TTC7A: variants seen among roughly 807,000 people sequenced by gnomAD.
TTC7A encodes the protein tetratricopeptide repeat protein 7A.
TTC7A carries 110 observed loss-of-function variants against 103.7 expected under a neutral mutation model. The observed-to-expected ratio is 1.06, with a 90% confidence interval of 0.91 to 1.24. TTC7A has a LOEUF of 1.24. Among genes scored for constraint, TTC7A ranks in the 50% most tolerant of loss-of-function variants. The pLI is 0.00. For synonymous variants in TTC7A, 521 were observed against 467.9 expected (o/e 1.11, Z -1.47); for missense variants, 1,340 against 1,116.3 (o/e 1.20, Z -2.86).
chr2:46,982,954 C>T (rs1369645064), intron 5 of TTC7A, among the ~76,000 whole-genome samples: 2 of 151,556 alleles, frequency 1.3e-5, no homozygotes, highest in African/African-American at 2.4e-5. Flanking sequence ...GCCAACAGAG[C>T]AAGACCCTCT....
intron 5 of TTC7A, among the ~76,000 whole-genome samples, chr2:46,985,380 G>T (rs1558539541): frequency 6.6e-6 from 1 of 152,226 alleles, no homozygotes; most frequent in Non-Finnish European, 1.5e-5. Flanking sequence ...AGGACACGTG[G>T]CAGTTACTCA....
intron 1 of TTC7A, among the ~76,000 whole-genome samples, chr2:46,948,018 C>T (rs1427010054): frequency 6.6e-6 from 1 of 152,198 alleles, no homozygotes; most frequent in Non-Finnish European, 1.5e-5. Context: ...CATGAAAGTA[C>T]CCAACCAAAC....
Position 47,074,138 on chromosome 2 carries a change from AC to A in TTC7A, c.*218del. 1.7e-6 allele frequency: 1 copy of A among 582,114 alleles called. No homozygotes were observed. The allele number at this position is 582,114 out of a possible 1,614,324, so 36.1% of individuals were successfully genotyped here. A position where few individuals can be genotyped will look rare whatever the true frequency, so the allele number is the denominator to read the frequency against. On this transcript the variant is annotated 3_prime_UTR_variant, in exon 20 of 20. Transcript: ENST00000319190. ...TGCCTTGGGAAACAGTCTGACTTGA[AC>A]CCTAAGTGCCTTTGGAGAGTTTTGT...
intron 15 of TTC7A, among the ~76,000 whole-genome samples, chr2:47,041,478 C>G (rs1291725381): frequency 1.3e-5 from 2 of 152,180 alleles, no homozygotes; most frequent in Non-Finnish European, 2.9e-5. Context: ...ATACGCCAGT[C>G]GCGGTGGCTC....
chr2:47,043,649 C>G (rs1558619824), intron 15 of TTC7A, among the ~76,000 whole-genome samples: 1 of 152,194 alleles, frequency 6.6e-6, no homozygotes, highest in East Asian at 1.9e-4. Flanking sequence ...CAGCGCTCAC[C>G]TGCCAGCCCA....
intron 11 of TTC7A, among the ~76,000 whole-genome samples, chr2:47,012,330 G>T (rs990287426): frequency 7.9e-5 from 12 of 152,190 alleles, no homozygotes; most frequent in Non-Finnish European, 1.0e-4. Flanking sequence ...CAGAGCAAGC[G>T]CATTCTCCCT....
intron 3 of TTC7A, among the ~76,000 whole-genome samples, chr2:46,973,499 T>C (rs1229150853): frequency 6.6e-6 from 1 of 152,208 alleles, no homozygotes; most frequent in East Asian, 1.9e-4. Flanking sequence ...TGCCGCAGGT[T>C]GCCGGTTGAG....
chr2:47,028,834 C>T (rs1321790005), intron 14 of TTC7A, among the ~76,000 whole-genome samples: 1 of 152,176 alleles, frequency 6.6e-6, no homozygotes, highest in Non-Finnish European at 1.5e-5. Context: ...GGTCAAGCTG[C>T]ACCCCCTACC....
chr2:46,960,189 A>T (rs1331578445), intron 3 of TTC7A, among the ~76,000 whole-genome samples: 3 of 152,102 alleles, frequency 2.0e-5, no homozygotes, highest in Non-Finnish European at 1.5e-5. Flanking sequence ...CTGGAAGAAG[A>T]ATCACCTCTT....
chr2:47,009,886 G>GTTTT (rs34401578), intron 10 of TTC7A, among the ~76,000 whole-genome samples: 3 of 93,512 alleles, frequency 3.2e-5, no homozygotes, highest in African/African-American at 8.6e-5. Flanking sequence ...GTGTGTGTGT[G>GTTTT]TTTTTTTTTT....
intron 18 of TTC7A, among the ~76,000 whole-genome samples, chr2:47,054,605 G>A (rs902140148): frequency 2.6e-5 from 4 of 152,112 alleles, no homozygotes; most frequent in African/African-American, 9.7e-5. Context: ...GGCCGAGGCA[G>A]GCAGACGACT....
chr2:46,948,615 A>G (rs1671138906), intron 1 of TTC7A, among the ~76,000 whole-genome samples: 1 of 152,160 alleles, frequency 6.6e-6, no homozygotes, highest in Non-Finnish European at 1.5e-5. Context: ...ATTCTTCTTC[A>G]GAGGCATGAA....
intron 2 of TTC7A, among the ~76,000 whole-genome samples, chr2:46,923,010 G>A (rs926629196): frequency 2.0e-5 from 3 of 152,142 alleles, no homozygotes; most frequent in East Asian, 1.9e-4. Flanking sequence ...TAAAGTATAC[G>A]AATAAACAGC....
intron 10 of TTC7A, 107 bp downstream of exon 10, chr2:47,006,831 C>T (rs1677462976): frequency 1.1e-5 from 10 of 918,278 alleles, no homozygotes; most frequent in Admixed American, 3.9e-5. Flanking sequence ...ATTATCCTGC[C>T]GCTGGTTTGA....
At chr2:47,038,652 AC>A (rs528712679) in intron 15 of TTC7A, among the ~76,000 whole-genome samples, 1 of 40,956 alleles carries the variant, frequency 2.4e-5, no homozygotes, top group Non-Finnish European at 4.2e-5. Context: ...CCCCCCACCC[AC>A]CCCCCCGACA....
At chr2:47,017,200 C>CAA (rs70940652) in intron 11 of TTC7A, among the ~76,000 whole-genome samples, 950 of 35,582 alleles carry the variant, frequency 0.027, 36 homozygotes, top group Non-Finnish European at 0.037. Flanking sequence ...CACTCTGTCT[C>CAA]AAAAAAAAAA....
intron 4 of TTC7A, 134 bp downstream of exon 4, chr2:46,975,237 C>T (rs772807263): frequency 6.9e-5 from 83 of 1,194,584 alleles, no homozygotes; most frequent in Non-Finnish European, 9.5e-5. Context: ...AGACACTCTA[C>T]TTCATAGTTG....
At chr2:46,919,156 C>T (rs1421636889) in intron 2 of TTC7A, among the ~76,000 whole-genome samples, 1 of 152,188 alleles carries the variant, frequency 6.6e-6, no homozygotes, top group East Asian at 1.9e-4. Flanking sequence ...TCAATTTACA[C>T]CTTTTAGTAT....
chr2:46,937,319 C>G (rs981583853), upstream of TTC7A, among the ~76,000 whole-genome samples: 5 of 152,112 alleles, frequency 3.3e-5, no homozygotes, highest in African/African-American at 1.2e-4. The surrounding 1 kb of genome is among the most constrained non-coding windows in gnomAD (Gnocchi z 4.0). Context: ...CTTTTCTCTC[C>G]CTCAGATCCA....
Sources: gnomAD v4.1 joint callset for allele counts (sites outside exome capture counted in the v4.1 genomes callset) on GRCh38, gnomAD v4.1.1 for gene constraint, Gnocchi (gnomAD v3.1) non-coding constraint, MANE v1.5 for transcripts, NCBI Gene and HGNC (gene_info 2026-07-23, HGNC 2026-07-21) for gene names.